Variants in DBF4 observed in about 807,000 individuals in gnomAD.
The protein encoded by DBF4 is DBF4-CDC7 kinase regulatory subunit.
DBF4 carries 25 observed loss-of-function variants against 76.6 expected under a neutral mutation model. The ratio of observed to expected loss-of-function variants is 0.33; its 90% CI spans 0.24 to 0.46. The LOEUF is 0.46. DBF4 is among the 20% of genes least tolerant of loss of function. The pLI, the probability that DBF4 is intolerant of heterozygous loss-of-function variation, is 1.00. For synonymous variants in DBF4, 213 were observed against 258.0 expected, an observed-to-expected ratio of 0.83 and a Z score of 1.67; for missense variants, 638 against 760.8, an observed-to-expected ratio of 0.84 and a Z score of 1.90.
intron 7 of DBF4, among the ~76,000 whole-genome samples, 153 bp from the exon 8 acceptor site, chr7:87,897,141 G>T (rs1839660875): frequency 1.3e-5 from 2 of 151,960 alleles, no homozygotes; most frequent in African/African-American, 2.4e-5. Flanking sequence ...TGGAAATGAG[G>T]TGATAATGGA....
intron 11 of DBF4, among the ~76,000 whole-genome samples, 158 bp downstream of exon 11, chr7:87,904,574 T>C (rs1839869564): frequency 6.6e-6 from 1 of 151,872 alleles, no homozygotes; most frequent in Non-Finnish European, 1.5e-5. Flanking sequence ...ACCCCATCTC[T>C]ACTAAAAAAA....
chr7:87,900,294 C>G lies in DBF4; in HGVS notation c.754C>G (p.Pro252Ala), dbSNP rs1402549274. 4 of 1,603,272 alleles carry G rather than the reference C, an allele frequency of 2.5e-6. No homozygotes were observed. The African/African-American group carries it at 4.1e-5, about 17-fold the overall frequency. Reference protein sequence around the residue: ...INYSIQKPCSPFDVDKPSSMQ... With the variant: ...INYSIQKPCSAFDVDKPSSMQ... ...TTATTCTATTCAGAAGCCCTGCAGT[C>G]CATTTGATGTAGACAAGCCATCTAG... Residue 252 changes from proline to alanine, a missense_variant, in exon 9 of 12, where the codon CCA (proline) becomes GCA (alanine). By Grantham distance (27) the Pro-to-Ala change is conservative. Transcript: ENST00000265728.
chr7:87,882,039 A>G (rs571214675), intron 2 of DBF4, among the ~76,000 whole-genome samples: 15 of 152,370 alleles, frequency 9.8e-5, no homozygotes, highest in African/African-American at 3.1e-4. Flanking sequence ...TATTAGGGCT[A>G]GATTGCAAAG....
intron 11 of DBF4, among the ~76,000 whole-genome samples, chr7:87,906,638 G>T (rs751767201): frequency 2.6e-5 from 4 of 152,068 alleles, no homozygotes; most frequent in Non-Finnish European, 4.4e-5. Flanking sequence ...TGTCACCTTT[G>T]AAAGTATAAA....
chr7:87,877,733 A>G (rs1421385852), intron 1 of DBF4, among the ~76,000 whole-genome samples: 1 of 152,240 alleles, frequency 6.6e-6, no homozygotes, highest in Non-Finnish European at 1.5e-5. Context: ...TAAATAGTTG[A>G]GTATTAAATA....
Position 87,907,682 on chromosome 7 carries a change from C to G in DBF4, c.1544C>G (p.Ala515Gly), listed in dbSNP as rs1403856865. Reference sequence around the variant, plus strand: ...AAGTCAGATACTGTGCTTTTTCCAGCAAAGGATCTCAAGGAAAAGGACCTT... The same window carrying G: ...AAGTCAGATACTGTGCTTTTTCCAGGAAAGGATCTCAAGGAAAAGGACCTT... ...KQKSDTVLFP[A>G]KDLKEKDLHS... The change falls in exon 12 of 12, where the codon GCA (alanine) becomes GGA (glycine). Residue 515 changes from alanine to glycine, a missense_variant. Transcript: ENST00000265728. The G allele has an allele frequency of 1.9e-6, 3 of 1,613,972 alleles. No individual in the cohort carries two copies. The highest frequency in any genetic ancestry group is 1.7e-5 in the Admixed American group (1 of 60,018).
chr7:87,880,057 A>G (rs955577469), intron 2 of DBF4, among the ~76,000 whole-genome samples: 2 of 152,098 alleles, frequency 1.3e-5, no homozygotes, highest in African/African-American at 4.8e-5. Flanking sequence ...AATGGTCTAA[A>G]TCAGTGATAC....
chr7:87,886,932 G>A, intron 4 of DBF4, 38 bp downstream of exon 4: 1 of 1,368,626 alleles, frequency 7.3e-7, no homozygotes, highest in Non-Finnish European at 1.0e-6. Context: ...TGTACATTTT[G>A]TTATTAAAAA....
chr7:87,897,249 A>T, intron 7 of DBF4, 45 bp from the exon 8 acceptor site: 3 of 1,503,688 alleles, frequency 2.0e-6, no homozygotes, highest in Non-Finnish European at 2.7e-6. Flanking sequence ...AAAAAAAAAG[A>T]ATCCTGAATT....
intron 7 of DBF4, 31 bp downstream of exon 7, chr7:87,896,541 G>T: frequency 6.3e-7 from 1 of 1,595,908 alleles, no homozygotes; most frequent in South Asian, 1.1e-5. Flanking sequence ...AAGTGTATTT[G>T]GTTTGCATTT....
intron 2 of DBF4, 51 bp downstream of exon 2, chr7:87,878,276 T>C: frequency 7.2e-7 from 1 of 1,397,884 alleles, no homozygotes; most frequent in Non-Finnish European, 9.8e-7. Flanking sequence ...TAACTAGTAC[T>C]TTCTACTGTG....
At position 87,897,676 on chromosome 7, in the gene DBF4, T is replaced by C. The variant is rs970953246; in HGVS notation, c.680+337T>C. On this transcript the variant is annotated intron_variant, in intron 8 of 11. Transcript: ENST00000265728. Reference sequence around the variant, plus strand: ...ACGCCTTCATTTGCGAAAAAGAAATTATTAGATGCTATTTAGAAACAGAAA... The same window carrying C: ...ACGCCTTCATTTGCGAAAAAGAAATCATTAGATGCTATTTAGAAACAGAAA... Among the ~76,000 whole-genome samples the C allele has an allele frequency of 1.2e-4, 19 of 152,228 alleles. 1 individual carries two copies. The highest frequency in any genetic ancestry group is 2.8e-4 in the Non-Finnish European group (19 of 68,042).
intron 11 of DBF4, among the ~76,000 whole-genome samples, chr7:87,904,812 T>A (rs577189777): frequency 8.5e-5 from 13 of 152,318 alleles, no homozygotes; most frequent in African/African-American, 3.1e-4. Context: ...TTCCTGTTCT[T>A]AGAAGGAATA....
chr7:87,905,029 C>CA (rs1210687513), intron 11 of DBF4, among the ~76,000 whole-genome samples: 1 of 152,150 alleles, frequency 6.6e-6, no homozygotes, highest in Admixed American at 6.5e-5. Context: ...TGGCTCACTG[C>CA]AACCTCTGCC....
rs548314865 is a variant in DBF4, at chr7:87,907,310, C to G, written c.1172C>G (p.Thr391Arg). The change falls in exon 12 of 12, where the codon ACA becomes AGA. Residue 391 changes from threonine to arginine, a missense_variant. Coordinates refer to ENST00000265728, the MANE Select transcript of DBF4 (RefSeq NM_006716.4). Reference protein sequence around the residue: ...SQKDCQEDDTTVKEQNFLYKE... With the variant: ...SQKDCQEDDTRVKEQNFLYKE... ...AAAGATTGCCAGGAAGATGATACAA[C>G]AGTGAAGGAGCAGAATTTCCTGTAT... 3.7e-6 allele frequency: 6 copies of G among 1,613,916 alleles called. No homozygotes were observed. In the South Asian group the frequency reaches 6.6e-5, roughly 18 times the overall value.
In DBF4 at chr7:87,908,064, T is replaced by A. The variant is rs753272122; in HGVS notation, c.1926T>A (p.Gly642=). The change falls in exon 12 of 12, where the codon GGT becomes GGA. Residue 642 remains glycine (G), a synonymous_variant. Transcript: ENST00000265728. ...LGFTSYTEKS[G]ICNVLDIWEE... is the part of the protein sequence containing the mutation. ...TCACAAGCTACACAGAAAAGAGTGG[T>A]ATATGCAATGTTTTAGATATTTGGG... 5.0e-6 allele frequency: 8 copies of A among 1,613,484 alleles called. No homozygotes were observed. Among genetic ancestry groups the A allele is most frequent in the Non-Finnish European group, 6.8e-6 (8 of 1,179,762 alleles).
chr7:87,894,984 C>G (rs1839597972), intron 6 of DBF4, among the ~76,000 whole-genome samples: 2 of 152,040 alleles, frequency 1.3e-5, no homozygotes, highest in Admixed American at 1.3e-4. Flanking sequence ...CTTTTTCCAC[C>G]ATTCCAGTTG....
intron 4 of DBF4, among the ~76,000 whole-genome samples, 169 bp downstream of exon 4, chr7:87,887,063 C>G (rs1379832502): frequency 1.3e-5 from 2 of 152,156 alleles, no homozygotes; most frequent in Admixed American, 1.3e-4. Flanking sequence ...GTAGAAACAT[C>G]CCCATCTTGT....
chr7:87,877,947 C>A, intron 1 of DBF4, 106 bp from the exon 2 acceptor site: 1 of 938,572 alleles, frequency 1.1e-6, no homozygotes, highest in Non-Finnish European at 1.5e-6. Flanking sequence ...ATAACTTAAA[C>A]TGGTAGGGTT....
Sources: allele counts gnomAD v4.1 joint callset (sites outside exome capture counted in the v4.1 genomes callset), GRCh38; gene constraint gnomAD v4.1.1; transcripts MANE v1.5; gene names NCBI Gene and HGNC (gene_info 2026-07-23, HGNC 2026-07-21).